Variants in INTS4 observed in about 807,000 individuals in gnomAD.
INTS4 encodes MSTP093.
A neutral mutation model predicts 119.5 loss-of-function variants in INTS4; 70 were observed. The ratio of observed to expected loss-of-function variants is 0.59; its 90% confidence interval spans 0.48 to 0.71. The LOEUF (loss-of-function observed/expected upper bound fraction) is 0.71, where lower values mean the gene tolerates loss of function less well. INTS4 is among the 30% of genes least tolerant of loss of function. The probability of loss-of-function intolerance (pLI) is 0.00; values close to 1 mark genes in which losing one functional copy is unlikely to be tolerated. For synonymous variants in INTS4, 316 were observed against 419.6 expected, an observed-to-expected ratio of 0.75 and a Z score of 3.02; for missense variants, 867 against 1,173.2, an observed-to-expected ratio of 0.74 and a Z score of 3.81.
chr11:77,974,238 C>CTTTTTTTTTTTTTTTTTTTTT, intron 4 of INTS4, among the ~76,000 whole-genome samples: 1 of 84,336 alleles, frequency 1.2e-5, no homozygotes, highest in Non-Finnish European at 2.4e-5. Flanking sequence ...TTTTTCTTTT[C>CTTTTTTTTTTTTTTTTTTTTT]TTTTTTTTTT....
At chr11:77,899,891 T>G (rs1952702867) in intron 18 of INTS4, among the ~76,000 whole-genome samples, 1 of 152,034 alleles carries the variant, frequency 6.6e-6, no homozygotes, top group Non-Finnish European at 1.5e-5. Context: ...AGTATACACA[T>G]GAAATGCTGG....
intron 7 of INTS4, among the ~76,000 whole-genome samples, chr11:77,956,710 A>AAATAATAATAAT (rs199933134): frequency 2.0e-5 from 2 of 97,710 alleles, no homozygotes; most frequent in Non-Finnish European, 4.4e-5. Flanking sequence ...CCATCTCAAA[A>AAATAATAATAAT]AATAATAATA....
At chr11:77,972,903 C>T (rs546229728) in intron 4 of INTS4, among the ~76,000 whole-genome samples, 112 of 150,836 alleles carry the variant, frequency 7.4e-4, no homozygotes, top group Non-Finnish European at 1.3e-3. Flanking sequence ...ATAATCAAGG[C>T]TCATAAGGCT....
chr11:77,992,761 G>T (rs922981283), intron 1 of INTS4, among the ~76,000 whole-genome samples: 1 of 152,106 alleles, frequency 6.6e-6, no homozygotes, highest in Admixed American at 6.6e-5. Context: ...TCTTCTATAG[G>T]AGGGCATACC....
intron 21 of INTS4, among the ~76,000 whole-genome samples, chr11:77,885,854 GA>G (rs1322379814): frequency 3.3e-5 from 5 of 151,940 alleles, no homozygotes; most frequent in Admixed American, 3.3e-4. Flanking sequence ...AAGAAGGGCA[GA>G]GGGGGGCTGA....
At chr11:77,912,639 C>G (rs939553799) in intron 15 of INTS4, among the ~76,000 whole-genome samples, 2 of 151,924 alleles carry the variant, frequency 1.3e-5, no homozygotes, top group African/African-American at 4.8e-5. Flanking sequence ...CTCTAAAAAT[C>G]AAATTTATAA....
At chr11:77,922,278 T>G in intron 13 of INTS4, 78 bp downstream of exon 13, 1 of 1,394,292 alleles carries the variant, frequency 7.2e-7, no homozygotes, top group Non-Finnish European at 9.6e-7. Flanking sequence ...AAATTCAGAC[T>G]ACCCTAGCTA....
intron 1 of INTS4, among the ~76,000 whole-genome samples, chr11:77,992,595 G>C (rs1856740004): frequency 6.6e-6 from 1 of 152,110 alleles, no homozygotes; most frequent in Non-Finnish European, 1.5e-5. Flanking sequence ...GCGTTTTTAT[G>C]TACTGAGCAA....
At position 77,926,964 on chromosome 11, in the gene INTS4, G is replaced by C. The variant is rs118156799; in HGVS notation, c.1371+1378C>G. 5.3e-4 allele frequency among the ~76,000 whole-genome samples: 80 copies of C among 152,330 alleles called. No homozygotes were observed. The East Asian group carries it at 0.014, about 27-fold the overall frequency. On this transcript the variant is annotated intron_variant, in intron 11 of 22. Coordinates refer to ENST00000534064, the MANE Select transcript of INTS4 (RefSeq NM_033547.4). ...GTATACACAGGGTGCTATGGGAATAGAGTGGTGGCATTTAGCCCACCCAGT... is the reference window on the plus strand; with the variant it reads ...GTATACACAGGGTGCTATGGGAATACAGTGGTGGCATTTAGCCCACCCAGT...
chr11:77,975,705 C>T (rs7118081), intron 4 of INTS4, among the ~76,000 whole-genome samples: 3,600 of 152,206 alleles, frequency 0.024, 135 homozygotes, highest in African/African-American at 0.081. Context: ...CACCTGTAAT[C>T]CCAGCACTTT....
chr11:77,946,697 G>GTTGCAGTGAGCT (rs1382315278), intron 8 of INTS4, among the ~76,000 whole-genome samples: 2 of 151,040 alleles, frequency 1.3e-5, no homozygotes, highest in African/African-American at 4.9e-5. Context: ...GGAGGAGAAG[G>GTTGCAGTGAGCT]TTGCAGTGAG....
At chr11:77,883,335 C>T (rs544723101) in intron 22 of INTS4, among the ~76,000 whole-genome samples, 1 of 152,272 alleles carries the variant, frequency 6.6e-6, no homozygotes, top group Admixed American at 6.5e-5. Context: ...GAAATGTAAT[C>T]TCCTTTGTAC....
chr11:77,933,760 GC>G (rs1383046239), intron 10 of INTS4, among the ~76,000 whole-genome samples: 13 of 151,280 alleles, frequency 8.6e-5, no homozygotes, highest in Non-Finnish European at 1.3e-4. Flanking sequence ...CCCAGCAGCC[GC>G]CCGTCTGGGA....
At chr11:77,904,151 A>G (rs1468772664) in intron 16 of INTS4, among the ~76,000 whole-genome samples, 1 of 152,184 alleles carries the variant, frequency 6.6e-6, no homozygotes, top group African/African-American at 2.4e-5. Context: ...CCATGATTTT[A>G]CCTTCCATCT....
At chr11:77,967,328 C>T (rs1855547606) in intron 4 of INTS4, among the ~76,000 whole-genome samples, 1 of 152,080 alleles carries the variant, frequency 6.6e-6, no homozygotes, top group African/African-American at 2.4e-5. Context: ...GGGGAGAGGC[C>T]ATATGCCCAC....
intron 10 of INTS4, 21 bp downstream of exon 10, chr11:77,938,630 C>T (rs781195585): frequency 1.2e-6 from 2 of 1,604,956 alleles, no homozygotes; most frequent in South Asian, 1.1e-5. Flanking sequence ...AGTGCTATTG[C>T]TATTATACAG....
In INTS4 at chr11:77,903,586, G is replaced by C; in HGVS notation, c.2051C>G (p.Pro684Arg). Residue 684 changes from proline to arginine, a missense_variant, in exon 17 of 23, where the codon CCT becomes CGT. Physicochemically the swap from Pro to Arg is moderately radical, Grantham distance 103. Transcript: ENST00000534064. ...LQEKLWNVAA[P>R]LYLKQSDLAS... ...CAAATCACTCTGCTTCAAATACAAA[G>C]GGGCAGCTACATTCCACAACTTTTC... 13 of 1,613,892 alleles carry C rather than the reference G, an allele frequency of 8.1e-6. No individual in the cohort carries two copies. Among genetic ancestry groups the C allele is most frequent in the Non-Finnish European group, 1.1e-5 (13 of 1,179,834 alleles).
intron 22 of INTS4, among the ~76,000 whole-genome samples, chr11:77,881,538 G>A (rs780798045): frequency 6.6e-6 from 1 of 152,210 alleles, no homozygotes; most frequent in Non-Finnish European, 1.5e-5. Context: ...TCAGGTATGT[G>A]GGCCTCCATT....
At chr11:77,977,937 T>C (rs1166782803) in intron 4 of INTS4, 3 of 151,922 alleles carry the variant, frequency 2.0e-5, no homozygotes, top group Admixed American at 6.6e-5. Flanking sequence ...TCACCCAGAC[T>C]GGAGTGCAGT....
Sources: allele counts gnomAD v4.1 joint callset (sites outside exome capture counted in the v4.1 genomes callset), GRCh38; gene constraint gnomAD v4.1.1; transcripts MANE v1.5; gene names NCBI Gene and HGNC (gene_info 2026-07-23, HGNC 2026-07-21).